MZT2B: variants seen among roughly 807,000 people sequenced by gnomAD.
The protein encoded by MZT2B is mitotic-spindle organizing protein 2B.
A neutral mutation model predicts 12.1 loss-of-function variants in MZT2B; 11 were observed. That is an observed-to-expected ratio of 0.91 (90% CI 0.57 to 1.50). MZT2B has a LOEUF of 1.50. Among genes scored for constraint, MZT2B ranks in the 40% most tolerant of loss-of-function variants. MZT2B has a pLI of 0.00. For missense variants in MZT2B, 209 were observed against 227.7 expected, an observed-to-expected ratio of 0.92 and a Z score of 0.53; for synonymous variants, 85 against 109.5, an observed-to-expected ratio of 0.78 and a Z score of 1.40.
At chr2:130,195,270 A>G (rs376127861), downstream of MZT2B, 204 of 1,602,270 alleles carry the variant, frequency 1.3e-4, no homozygotes, top group Non-Finnish European at 1.6e-4. Flanking sequence ...TAAGGCCTGT[A>G]CTCACCAAGA....
At chr2:130,183,883 G>C in intron 2 of MZT2B, 1 of 1,550,576 alleles carries the variant, frequency 6.4e-7, no homozygotes, top group Non-Finnish European at 8.7e-7. Context: ...CTGCTCCACA[G>C]CCCGGCTGCC....
chr2:130,197,900 G>A, the MZT2B span, among the ~76,000 whole-genome samples: 2 of 125,114 alleles, frequency 1.6e-5, 1 homozygote, highest in African/African-American at 5.7e-5. Context: ...GAGCCGCCGC[G>A]CCTGGCCTAA....
chr2:130,185,258 C>G (rs1255969795), intron 2 of MZT2B, among the ~76,000 whole-genome samples: 1 of 150,310 alleles, frequency 6.7e-6, no homozygotes. Context: ...TTACAGTGAG[C>G]CGAGATCACA....
the MZT2B span, among the ~76,000 whole-genome samples, chr2:130,201,749 C>T: frequency 3.3e-5 from 5 of 152,304 alleles, no homozygotes; most frequent in South Asian, 2.1e-4. Flanking sequence ...CAGGTAATTT[C>T]GTTGACGTGA....
In MZT2B at chr2:130,182,393, G is replaced by C; in HGVS notation, c.111G>C (p.Glu37Asp). 1.3e-6 allele frequency: 2 copies of C among 1,561,632 alleles called. No individual in the cohort carries two copies. Among genetic ancestry groups the C allele is most frequent in the African/African-American group, 2.7e-5 (2 of 73,738 alleles). ...GGAAGAAGGTGCTGAGCACCGAGGAGATGGAGCTGTACGAGCTGGCGCAGG... is the reference window on the plus strand; with the variant it reads ...GGAAGAAGGTGCTGAGCACCGAGGACATGGAGCTGTACGAGCTGGCGCAGG... ...LRRKKVLSTE[E>D]MELYELAQAA... Residue 37 changes from glutamate (E) to aspartate (D), a missense_variant, in exon 1 of 3, where the codon GAG (glutamate) becomes GAC (aspartate). Coordinates refer to ENST00000281871, the MANE Select transcript of MZT2B (RefSeq NM_025029.5).
the MZT2B span, among the ~76,000 whole-genome samples, chr2:130,203,651 T>C: frequency 6.6e-6 from 1 of 151,816 alleles, no homozygotes. Flanking sequence ...CTCACTATTT[T>C]GCCCAGGCGC....
chr2:130,204,563 T>C, the MZT2B span, among the ~76,000 whole-genome samples: 1 of 152,100 alleles, frequency 6.6e-6, no homozygotes, highest in Non-Finnish European at 1.5e-5. Flanking sequence ...TGGTATTGGG[T>C]GCCTGTAATC....
In MZT2B at chr2:130,190,529, G is replaced by T. The variant is rs1043073; in HGVS notation, c.380G>T (p.Arg127Leu). ...TTGGCCCTGGCGGAACGCAGCAGCC[G>T]CGAAGGATCCAGCCAGAGGATGCCA... is the stretch of plus-strand genomic sequence containing the variant. ...GALALAERSSREGSSQRMPRQ... is the reference protein window; with the variant it reads ...GALALAERSSLEGSSQRMPRQ... The change falls in exon 3 of 3, where the codon CGC (arginine) becomes CTC (leucine). Residue 127 changes from arginine to leucine, a missense_variant. By Grantham distance (102) the Arg-to-Leu change is moderately radical. Transcript: ENST00000281871. 20 of 1,613,744 alleles carry T rather than the reference G, an allele frequency of 1.2e-5. No individual in the cohort carries two copies. The African/African-American group carries it at 2.3e-4, about 18-fold the overall frequency.
chr2:130,185,027 G>T, intron 2 of MZT2B: 1 of 416,716 alleles, frequency 2.4e-6, no homozygotes, highest in Non-Finnish European at 3.2e-6. Context: ...TAGCCAGGCA[G>T]GGCTGGGCGC....
At chr2:130,182,016 C>CT, upstream of MZT2B, 1 of 1,358,532 alleles carries the variant, frequency 7.4e-7, no homozygotes, top group African/African-American at 1.5e-5. Context: ...CCAATGCAGT[C>CT]TATCAGGGAG....
At chr2:130,181,848 T>C, upstream of MZT2B, 1 of 1,539,006 alleles carries the variant, frequency 6.5e-7, no homozygotes, top group South Asian at 1.2e-5. Flanking sequence ...GTATTGTTGA[T>C]TAGTGCCCCC....
At chr2:130,183,851 G>C in intron 2 of MZT2B, 1 of 1,550,588 alleles carries the variant, frequency 6.4e-7, no homozygotes. Flanking sequence ...CCTCCAGCCC[G>C]CAGCCTGCGG....
intron 2 of MZT2B, among the ~76,000 whole-genome samples, chr2:130,186,216 C>T (rs533811318): frequency 2.0e-5 from 3 of 152,224 alleles, no homozygotes; most frequent in African/African-American, 7.2e-5. Context: ...GTGGAGTTCT[C>T]CAGGCTGTGG....
At position 130,190,495 on chromosome 2, in the gene MZT2B, G is replaced by A. The variant is rs751278048; in HGVS notation, c.346G>A (p.Gly116Arg). The change falls in exon 3 of 3, where the codon GGG becomes AGG. Residue 116 changes from glycine (G) to arginine (R), a missense_variant. Transcript: ENST00000281871. ...RGRNKGSAAL[G>R]GALALAERSS... ...GAGAAACAAAGGCAGCGCTGCCCTC[G>A]GGGGAGCATTGGCCCTGGCGGAACG... 5.1e-5 allele frequency: 83 copies of A among 1,613,598 alleles called. No individual in the cohort carries two copies. The highest frequency in any genetic ancestry group is 2.3e-4 in the South Asian group (21 of 91,088).
the MZT2B span, chr2:130,196,454 AT>A: frequency 6.5e-7 from 1 of 1,532,770 alleles, no homozygotes; most frequent in South Asian, 1.3e-5. Flanking sequence ...CTAATTTAAT[AT>A]TTATATAGTG....
the MZT2B span, among the ~76,000 whole-genome samples, chr2:130,203,048 C>CTTTTTTTTT: frequency 1.1e-4 from 13 of 118,516 alleles, no homozygotes; most frequent in Non-Finnish European, 1.6e-4. Context: ...TTTCTTTTTT[C>CTTTTTTTTT]TTTTTTTTTT....
the MZT2B span, chr2:130,196,392 G>A: frequency 1.9e-6 from 3 of 1,605,122 alleles, no homozygotes; most frequent in Non-Finnish European, 2.6e-6. Flanking sequence ...GAACATAAAT[G>A]TGAACCCATT....
At chr2:130,198,278 C>T in the MZT2B span, 113 of 1,328,262 alleles carry the variant, frequency 8.5e-5, 24 homozygotes, top group African/African-American at 1.4e-3. Context: ...CGCCCAGGCC[C>T]GCAACAACGT....
intron 2 of MZT2B, chr2:130,183,316 C>T (rs1221860357): frequency 2.1e-5 from 6 of 283,578 alleles, no homozygotes; most frequent in Non-Finnish European, 4.1e-5. Flanking sequence ...GGCCCAGTTC[C>T]TGCGCAGGGG....
Sources: gnomAD v4.1 joint callset for allele counts (sites outside exome capture counted in the v4.1 genomes callset) on GRCh38, gnomAD v4.1.1 for gene constraint, MANE v1.5 for transcripts, NCBI Gene and HGNC (gene_info 2026-07-23, HGNC 2026-07-21) for gene names.